The following SOX5 variants were observed in gnomAD, a reference collection of about 807,000 sequenced individuals.
SOX5 encodes transcription factor SOX-5.
A neutral mutation model predicts 92.0 loss-of-function variants in SOX5; 9 were observed. The observed-to-expected ratio is 0.10, with a 90% CI of 0.06 to 0.17. The LOEUF is 0.17. Among genes scored for constraint, SOX5 ranks in the 10% least tolerant of loss-of-function variants. The pLI is 1.00. For synonymous variants in SOX5, 344 were observed against 336.3 expected (o/e 1.02, Z -0.25); for missense variants, 642 against 944.5 (o/e 0.68, Z 4.20).
At chr12:23,789,917 A>G (rs2095441586) in intron 3 of SOX5, among the ~76,000 whole-genome samples, 1 of 152,172 alleles carries the variant, frequency 6.6e-6, no homozygotes, top group African/African-American at 2.4e-5. Flanking sequence ...GGAAAATGTA[A>G]CACTCCAGCT....
intron 3 of SOX5, among the ~76,000 whole-genome samples, chr12:24,251,092 CAACAGGCTGAG>C (rs1180543592): frequency 6.6e-6 from 1 of 152,210 alleles, no homozygotes; most frequent in East Asian, 1.9e-4. Flanking sequence ...TGCGTAGCAG[CAACAGGCTGAG>C]TGAGACAGCT....
At chr12:24,055,005 A>C (rs997966676) in intron 4 of SOX5, among the ~76,000 whole-genome samples, 3 of 152,200 alleles carry the variant, frequency 2.0e-5, no homozygotes, top group Non-Finnish European at 4.4e-5. Flanking sequence ...ATACTTTTGA[A>C]ATTCTGAACC....
chr12:24,433,094 T>C (rs1157486228), intron 1 of SOX5, among the ~76,000 whole-genome samples: 1 of 152,152 alleles, frequency 6.6e-6, no homozygotes, highest in Admixed American at 6.5e-5. Context: ...CTTTAAAAAT[T>C]AAAATAAAAA....
intron 1 of SOX5, among the ~76,000 whole-genome samples, chr12:24,396,518 G>A (rs1418906943): frequency 1.3e-5 from 2 of 152,164 alleles, no homozygotes; most frequent in African/African-American, 2.4e-5. Flanking sequence ...ATGCTGGCAC[G>A]GCTGGTTAAC....
chr12:24,322,360 C>T (rs933352303), intron 2 of SOX5, among the ~76,000 whole-genome samples: 13 of 151,388 alleles, frequency 8.6e-5, no homozygotes, highest in South Asian at 8.4e-4. Flanking sequence ...AATCACCTCC[C>T]CCTAGATGGA....
intron 1 of SOX5, among the ~76,000 whole-genome samples, chr12:24,381,441 C>T (rs1425944351): frequency 6.6e-6 from 1 of 152,160 alleles, no homozygotes. Flanking sequence ...ATGTCTGTTA[C>T]ATCAATAGTT....
At chr12:23,560,138 T>C (rs1945942600) in intron 11 of SOX5, among the ~76,000 whole-genome samples, 1 of 152,142 alleles carries the variant, frequency 6.6e-6, no homozygotes, top group South Asian at 2.1e-4. Context: ...CTCGAGCTCC[T>C]GACCTCGTGA....
intron 1 of SOX5, among the ~76,000 whole-genome samples, chr12:24,555,446 C>T (rs952139115): frequency 6.6e-6 from 1 of 152,132 alleles, no homozygotes; most frequent in African/African-American, 2.4e-5. Context: ...TAAACAATGC[C>T]TTCCAATTAT....
chr12:24,224,556 T>G (rs997809973), intron 3 of SOX5, among the ~76,000 whole-genome samples: 3 of 150,892 alleles, frequency 2.0e-5, no homozygotes, highest in Non-Finnish European at 3.0e-5. Context: ...TGTGTGTGTG[T>G]GGGTGTGTGT....
At chr12:24,099,379 C>T (rs967864507) in intron 4 of SOX5, among the ~76,000 whole-genome samples, 3 of 152,144 alleles carry the variant, frequency 2.0e-5, no homozygotes, top group Admixed American at 2.0e-4. Flanking sequence ...GAGAGAGGAA[C>T]TGCACTATGA....
intron 2 of SOX5, among the ~76,000 whole-genome samples, chr12:24,337,340 CTTT>C (rs201383125): frequency 7.0e-6 from 1 of 143,216 alleles, no homozygotes; most frequent in African/African-American, 2.6e-5. Flanking sequence ...TCTGATTTTT[CTTT>C]TTTTTTTTTT....
At chr12:23,957,360 G>C (rs765035393) in intron 4 of SOX5, among the ~76,000 whole-genome samples, 19 of 152,162 alleles carry the variant, frequency 1.2e-4, no homozygotes, top group Non-Finnish European at 2.4e-4. Flanking sequence ...TTTCGTGCCT[G>C]AGATTTTAGT....
intron 4 of SOX5, 143 bp from the exon 5 acceptor site, chr12:23,741,182 T>G (rs1187888145): frequency 1.8e-6 from 1 of 552,584 alleles, no homozygotes; most frequent in African/African-American, 1.9e-5. Context: ...TTTTACATTT[T>G]CACGCAACAG....
intron 2 of SOX5, among the ~76,000 whole-genome samples, chr12:24,288,560 ATT>A (rs374126764): frequency 6.6e-5 from 10 of 152,314 alleles, no homozygotes; most frequent in Admixed American, 1.3e-4. Flanking sequence ...TCATAAAATA[ATT>A]TGTCATGGTA....
chr12:24,267,325 T>A (rs1009694983), intron 3 of SOX5, among the ~76,000 whole-genome samples: 3 of 152,198 alleles, frequency 2.0e-5, no homozygotes, highest in African/African-American at 7.2e-5. Flanking sequence ...TTTTGCTATA[T>A]CATAGAATAT....
intron 1 of SOX5, among the ~76,000 whole-genome samples, chr12:24,466,801 T>C (rs1215549996): frequency 6.6e-6 from 1 of 152,198 alleles, no homozygotes; most frequent in Non-Finnish European, 1.5e-5. Context: ...TGTTTGAGAA[T>C]GGACTCCAAG....
chr12:24,516,302 C>A (rs1373226349), intron 1 of SOX5, among the ~76,000 whole-genome samples: 1 of 152,150 alleles, frequency 6.6e-6, no homozygotes, highest in African/African-American at 2.4e-5. Context: ...CCCACCATAG[C>A]TTCCCAGAGT....
intron 1 of SOX5, chr12:23,920,521 GT>G (rs1937882425): frequency 6.6e-6 from 1 of 152,190 alleles, no homozygotes; most frequent in South Asian, 2.1e-4. Flanking sequence ...TTAGGTCCAA[GT>G]TGAGTATAGG....
At chr12:24,080,867 CATT>C (rs1329585574) in intron 4 of SOX5, among the ~76,000 whole-genome samples, 1 of 151,854 alleles carries the variant, frequency 6.6e-6, no homozygotes, top group Non-Finnish European at 1.5e-5. Flanking sequence ...TAATACATCT[CATT>C]GGAATGGCTA....
Sources: allele counts gnomAD v4.1 joint callset (sites outside exome capture counted in the v4.1 genomes callset), GRCh38; gene constraint gnomAD v4.1.1; transcripts MANE v1.5; gene names NCBI Gene and HGNC (gene_info 2026-07-23, HGNC 2026-07-21).